Variants in HGSNAT observed in about 807,000 individuals in gnomAD.
The protein encoded by HGSNAT is transmembrane protein 76.
HGSNAT carries 59 observed loss-of-function variants against 85.2 expected under a neutral mutation model. That is an observed-to-expected ratio of 0.69 (90% confidence interval 0.56 to 0.86). The LOEUF is 0.86. Ranked by LOEUF, HGSNAT falls within the 40% of genes least tolerant of loss-of-function variation. The probability of loss-of-function intolerance (pLI) is 0.00; values close to 1 mark genes in which losing one functional copy is unlikely to be tolerated. For synonymous variants in HGSNAT, 321 were observed against 304.5 expected, an observed-to-expected ratio of 1.05 and a Z score of -0.56; for missense variants, 756 against 777.1, an observed-to-expected ratio of 0.97 and a Z score of 0.32.
chr8:43,192,428 G>A lies in HGSNAT; in HGVS notation c.1375G>A (p.Ala459Thr), dbSNP rs569019296. 19 of 1,607,638 alleles carry A rather than the reference G, an allele frequency of 1.2e-5. 1 individual carries two copies. In the South Asian group the frequency reaches 2.0e-4, roughly 17 times the overall value. The change falls in exon 13 of 18, where the codon GCT becomes ACT. Residue 459 changes from alanine (A) to threonine (T), a missense_variant and splice_region_variant. Physicochemically the swap from Ala to Thr is moderately conservative, Grantham distance 58. Coordinates refer to ENST00000379644, the MANE Select transcript of HGSNAT (RefSeq NM_152419.3). ...DDHLYQHPSS[A>T]VLYHTEVAYD... Reference sequence around the variant, plus strand: ...TCACCTTTACCAGCACCCATCTTCTGCTGTGAGTGAGACTCGAGTTCGCTT... The same window carrying A: ...TCACCTTTACCAGCACCCATCTTCTACTGTGAGTGAGACTCGAGTTCGCTT...
At chr8:43,150,144 AG>A (rs1563356155) in intron 2 of HGSNAT, among the ~76,000 whole-genome samples, 1 of 151,934 alleles carries the variant, frequency 6.6e-6, no homozygotes, top group African/African-American at 2.4e-5. Context: ...TAGTAGAGAC[AG>A]GGTTTCACCA....
chr8:43,191,494 T>G lies in HGSNAT; in HGVS notation c.1149T>G (p.Leu383=). 6.2e-7 allele frequency: 1 copy of G among 1,613,946 alleles called. No homozygotes were observed. Among genetic ancestry groups the G allele is most frequent in the East Asian group, 2.2e-5 (1 of 44,870 alleles). ...CTCAGGAGAGGAGCTGCCTTTCTCT[T>G]CGAGACATCACGTCCAGCTGGCCCC... ...HCASERSCLS[L]RDITSSWPQW... The change falls in exon 12 of 18, where the codon CTT becomes CTG. Residue 383 remains leucine, a synonymous_variant. Transcript: ENST00000379644.
rs570338675 is a variant in HGSNAT at position 43,184,829 on chromosome 8, C to T, written c.1128+2569C>T. 8.6e-4 allele frequency among the ~76,000 whole-genome samples: 131 copies of T among 152,170 alleles called. 1 individual carries two copies. Among genetic ancestry groups the T allele is most frequent in the African/African-American group, 2.9e-3 (122 of 41,512 alleles). ...AATTTTTGTATAAGGTGTAAGGAAG[C>T]GATTCAGTTTCAGCTTTCTACATAT... On this transcript the variant is annotated intron_variant, in intron 11 of 17. Transcript: ENST00000379644.
At chr8:43,196,840 G>A (rs1804742735) in intron 14 of HGSNAT, 108 bp from the exon 15 acceptor site, 7 of 724,252 alleles carry the variant, frequency 9.7e-6, no homozygotes, top group Admixed American at 2.1e-5. Flanking sequence ...ACCTAGTAGC[G>A]TGCCCAGCAA....
At chr8:43,164,531 G>A (rs571286834) in intron 5 of HGSNAT, among the ~76,000 whole-genome samples, 73 of 152,248 alleles carry the variant, frequency 4.8e-4, no homozygotes, top group Non-Finnish European at 6.8e-4. Flanking sequence ...TGTAATCCCA[G>A]CACTTTGGGG....
At chr8:43,154,256 C>T (rs930924870) in intron 2 of HGSNAT, among the ~76,000 whole-genome samples, 1 of 151,922 alleles carries the variant, frequency 6.6e-6, no homozygotes, top group Middle Eastern at 3.2e-3. Context: ...AGGTTTGTTA[C>T]ATATGTATAC....
intron 10 of HGSNAT, among the ~76,000 whole-genome samples, chr8:43,179,651 CA>C (rs1803972454): frequency 6.0e-5 from 1 of 16,720 alleles, no homozygotes; most frequent in Admixed American, 5.1e-4. Context: ...GGCGACTGGC[CA>C]GGCGGGGGGC....
intron 11 of HGSNAT, among the ~76,000 whole-genome samples, chr8:43,188,592 C>T (rs766698717): frequency 6.2e-4 from 95 of 152,280 alleles, no homozygotes; most frequent in South Asian, 8.3e-4. Flanking sequence ...TTCAAACATC[C>T]TCCTTTAGCT....
At chr8:43,174,947 C>T (rs984155080) in intron 9 of HGSNAT, among the ~76,000 whole-genome samples, 1 of 151,932 alleles carries the variant, frequency 6.6e-6, no homozygotes, top group Non-Finnish European at 1.5e-5. Context: ...ATCCATCCTT[C>T]TATCGCCCTG....
rs536837872 is a variant in HGSNAT at position 43,152,168 on chromosome 8, G to A, written c.234+5105G>A. Among the ~76,000 whole-genome samples the A allele has an allele frequency of 1.4e-4, 22 of 152,234 alleles. No individual in the cohort carries two copies. The South Asian group carries it at 2.9e-3, about 20-fold the overall frequency. On this transcript the variant is annotated intron_variant, in intron 2 of 17. Transcript: ENST00000379644. ...TAGCTGGGCATGGTGGTGGGCGCTT[G>A]TAGTACCAGTTACTTGGGAGGCTGA... is the stretch of plus-strand genomic sequence containing the variant.
chr8:43,173,593 G>A (rs1803705946), intron 8 of HGSNAT, 120 bp from the exon 9 acceptor site: 2 of 1,066,136 alleles, frequency 1.9e-6, no homozygotes, highest in South Asian at 1.3e-5. Flanking sequence ...TTACGGGCAT[G>A]AGTCACTGCG....
chr8:43,174,870 C>T (rs1803753707), intron 9 of HGSNAT, among the ~76,000 whole-genome samples: 1 of 152,130 alleles, frequency 6.6e-6, no homozygotes, highest in South Asian at 2.1e-4. Flanking sequence ...TTCATTCCAT[C>T]CAGCTATATT....
rs187889990 is a variant in HGSNAT at position 43,141,803 on chromosome 8, C to T, written c.118+1189C>T. ...TCCCCTCCTTTAAAATTGCAAGGAC[C>T]CCGGGGAGGTTATGTAATCTGCCTG... On this transcript the variant is annotated intron_variant, in intron 1 of 17. Coordinates refer to ENST00000379644, the MANE Select transcript of HGSNAT (RefSeq NM_152419.3). 5.9e-5 allele frequency among the ~76,000 whole-genome samples: 9 copies of T among 152,200 alleles called. No homozygotes were observed. The East Asian group carries it at 1.7e-3, about 29-fold the overall frequency.
At position 43,170,711 on chromosome 8, in the gene HGSNAT, G is replaced by A. The variant is rs1245020116; in HGVS notation, c.743+17G>A. 6.6e-7 allele frequency: 1 copy of A among 1,517,148 alleles called. No individual in the cohort carries two copies. Among genetic ancestry groups the A allele is most frequent in the Admixed American group, 1.9e-5 (1 of 51,424 alleles). The allele number at this position is 1,517,148 out of a possible 1,614,324, so 94.0% of individuals were successfully genotyped here. A position where few individuals can be genotyped will look rare whatever the true frequency, so the allele number is the denominator to read the frequency against. On this transcript the variant is annotated intron_variant, in intron 7 of 17. Transcript: ENST00000379644. ...CTTCAGGGGGTATGTGGGCCTCCCTGTAGCACAGTGGGTGCAGGTAGTCAC... is the reference window on the plus strand; with the variant it reads ...CTTCAGGGGGTATGTGGGCCTCCCTATAGCACAGTGGGTGCAGGTAGTCAC...
chr8:43,199,348 C>T (rs1433703413), intron 17 of HGSNAT, 40 bp from the exon 18 acceptor site: 2 of 1,393,776 alleles, frequency 1.4e-6, no homozygotes, highest in Admixed American at 4.0e-5. Context: ...TGTGACTCAT[C>T]TGTGAGAAAC....
rs954574111 is a variant in HGSNAT at position 43,178,318 on chromosome 8, C to T, written c.1012+84C>T. 4 of 1,003,036 alleles carry T rather than the reference C, an allele frequency of 4.0e-6. No homozygotes were observed. In the African/African-American group the frequency reaches 6.5e-5, roughly 16 times the overall value. 62.1% of individuals were successfully genotyped at this position (1,003,036 alleles called of 1,614,324 possible). A position where few individuals can be genotyped will look rare whatever the true frequency, so the allele number is the denominator to read the frequency against. On this transcript the variant is annotated intron_variant, in intron 10 of 17. Transcript: ENST00000379644. ...GTAATTTGAGAGAAATGCAATTCCT[C>T]CATCTCAGGTGCCTGCAAATAGAAT... is the stretch of plus-strand genomic sequence containing the variant.
intron 1 of HGSNAT, among the ~76,000 whole-genome samples, chr8:43,146,318 C>G (rs1016140038): frequency 2.0e-5 from 3 of 152,174 alleles, no homozygotes; most frequent in East Asian, 1.9e-4. Context: ...CTCAAACTTT[C>G]AAGACACGTG....
rs758094310 is a variant in HGSNAT at position 43,172,377 on chromosome 8, A to C, written c.811A>C (p.Ser271Arg). Reference protein sequence around the residue: ...GGKYWYFKHASWNGLTVADLV... With the variant: ...GGKYWYFKHARWNGLTVADLV... ...AAAATATTGGTACTTCAAACATGCAAGTTGGAATGGTAAGATATTTCCTAA... is the reference window on the plus strand; with the variant it reads ...AAAATATTGGTACTTCAAACATGCACGTTGGAATGGTAAGATATTTCCTAA... Residue 271 changes from serine (S) to arginine (R), a missense_variant, in exon 8 of 18, where the codon AGT (serine) becomes CGT (arginine). Transcript: ENST00000379644. The C allele has an allele frequency of 1.2e-5, 20 of 1,602,586 alleles. No homozygotes were observed. The highest frequency in any genetic ancestry group is 1.5e-5 in the Non-Finnish European group (18 of 1,169,568).
chr8:43,158,671 C>T lies in HGSNAT; in HGVS notation c.331C>T (p.Leu111=), dbSNP rs2130714335. ...ASVSTQHGSI[L]QLNDTLEEKE... The stretch of plus-strand genomic sequence containing the variant: ...TGTCAGCACCCAGCACGGATCTATC[C>T]TGCAGCTGAACGACACCTTGGAAGA... The change falls in exon 3 of 18, where the codon CTG becomes TTG. Residue 111 remains leucine (L), a synonymous_variant. Transcript: ENST00000379644. The T allele has an allele frequency of 6.2e-7, 1 of 1,612,956 alleles. No individual in the cohort carries two copies.
Sources: allele counts gnomAD v4.1 joint callset (sites outside exome capture counted in the v4.1 genomes callset), GRCh38; gene constraint gnomAD v4.1.1; transcripts MANE v1.5; gene names NCBI Gene and HGNC (gene_info 2026-07-23, HGNC 2026-07-21).